The following ANK2 variants were observed in gnomAD, a reference collection of about 807,000 sequenced individuals.
The protein encoded by ANK2 is ankyrin-2.
ANK2 carries 83 observed loss-of-function variants against 360.5 expected under a neutral mutation model. That is an observed-to-expected ratio of 0.23 (90% CI 0.19 to 0.28). The LOEUF is 0.28. ANK2 is among the 10% of genes least tolerant of loss of function. The pLI, the probability that ANK2 is intolerant of heterozygous loss-of-function variation, is 1.00. For missense variants in ANK2, 4,201 were observed against 4,795.7 expected (o/e 0.88, Z 3.66); for synonymous variants, 1,740 against 1,759.5 (o/e 0.99, Z 0.28).
At chr4:113,336,855 C>CT in intron 31 of ANK2, 74 bp downstream of exon 31, 1 of 1,430,324 alleles carries the variant, frequency 7.0e-7, no homozygotes, top group East Asian at 2.3e-5. Flanking sequence ...ATTAAATTAC[C>CT]TTTGTCATAA....
At chr4:113,360,735 G>A in intron 38 of ANK2, 88 bp from the exon 39 acceptor site, 1 of 1,164,276 alleles carries the variant, frequency 8.6e-7, no homozygotes, top group Middle Eastern at 1.9e-4. Context: ...ATTTGGAGAA[G>A]TGACTTCCTT....
chr4:113,056,544 T>C (rs1415689673), intron 1 of ANK2, among the ~76,000 whole-genome samples: 4 of 152,156 alleles, frequency 2.6e-5, no homozygotes, highest in Admixed American at 1.3e-4. Flanking sequence ...TTTTATCTCA[T>C]TGGACACTGG....
chr4:113,077,641 TTC>T (rs912409298), intron 1 of ANK2, among the ~76,000 whole-genome samples: 21 of 152,142 alleles, frequency 1.4e-4, no homozygotes, highest in African/African-American at 4.6e-4. Flanking sequence ...CCTTTGTGAG[TTC>T]TGTTTCCCTG....
In ANK2 at chr4:113,095,030, G is replaced by A. The variant is rs150747724; in HGVS notation, c.84+45218G>A. ...GAAATTTAAAAGATAAGAGCAATTT[G>A]CACATCAGCTAAGATGCTGTGGCAC... On this transcript the variant is annotated intron_variant, in intron 1 of 45. Transcript: ENST00000357077. Among the ~76,000 whole-genome samples the A allele has an allele frequency of 4.2e-3, 645 of 152,314 alleles. 3 individuals carry two copies. Among genetic ancestry groups the A allele is most frequent in the Non-Finnish European group, 6.7e-3 (457 of 68,026 alleles).
chr4:112,940,677 A>G (rs1242863494), intron 2 of ANK2, among the ~76,000 whole-genome samples: 4 of 152,166 alleles, frequency 2.6e-5, no homozygotes, highest in Admixed American at 2.6e-4. Flanking sequence ...CTGAACCATA[A>G]CTACAATGCT....
At chr4:113,156,883 CACACAA>C (rs2097323045) in intron 1 of ANK2, among the ~76,000 whole-genome samples, 1 of 116,816 alleles carries the variant, frequency 8.6e-6, no homozygotes, top group Admixed American at 1.2e-4. Context: ...GTGTGTGTGA[CACACAA>C]ACAGATTTGT....
At chr4:112,983,294 A>T (rs1356127339) in intron 2 of ANK2, among the ~76,000 whole-genome samples, 1 of 152,092 alleles carries the variant, frequency 6.6e-6, no homozygotes, top group African/African-American at 2.4e-5. Flanking sequence ...TTAGGTAGTG[A>T]CAAAAATAAC....
At chr4:112,911,485 T>G (rs1015076933) in intron 2 of ANK2, among the ~76,000 whole-genome samples, 7 of 151,938 alleles carry the variant, frequency 4.6e-5, no homozygotes, top group Admixed American at 3.3e-4. Context: ...ATCGAACCAC[T>G]GCACTCCAGC....
intron 2 of ANK2, among the ~76,000 whole-genome samples, chr4:112,958,360 G>C (rs1439771294): frequency 6.6e-6 from 1 of 152,232 alleles, no homozygotes; most frequent in Non-Finnish European, 1.5e-5. Flanking sequence ...GGGAGGCCGA[G>C]GCTGGCGGAT....
At chr4:112,812,032 G>T in the ANK2 span, among the ~76,000 whole-genome samples, 1 of 125,452 alleles carries the variant, frequency 8.0e-6, no homozygotes, top group Non-Finnish European at 1.5e-5. Context: ...CCACGATCCC[G>T]CCACTGCACC....
At chr4:112,850,014 C>A (rs1345835879) in intron 1 of ANK2, among the ~76,000 whole-genome samples, 1 of 152,096 alleles carries the variant, frequency 6.6e-6, no homozygotes, top group Admixed American at 6.6e-5. Context: ...CTTCTCCTAT[C>A]CTTGGGCATC....
At chr4:113,246,572 T>G (rs2042988756) in intron 9 of ANK2, among the ~76,000 whole-genome samples, 1 of 152,184 alleles carries the variant, frequency 6.6e-6, no homozygotes. Context: ...TATTTATTAT[T>G]TAAATGTGGT....
At chr4:112,773,836 T>C in the ANK2 span, among the ~76,000 whole-genome samples, 1 of 152,156 alleles carries the variant, frequency 6.6e-6, no homozygotes, top group Non-Finnish European at 1.5e-5. Context: ...AGTCTTGCTG[T>C]ATCGCCTAGG....
chr4:112,732,122 T>C, the ANK2 span, among the ~76,000 whole-genome samples: 1 of 152,188 alleles, frequency 6.6e-6, no homozygotes, highest in Non-Finnish European at 1.5e-5. Flanking sequence ...TTCTTATTCC[T>C]AGGCTGGTTA....
At chr4:113,196,304 A>G (rs2098746791) in intron 2 of ANK2, 64 bp from the exon 3 acceptor site, 1 of 1,234,296 alleles carries the variant, frequency 8.1e-7, no homozygotes, top group East Asian at 2.4e-5. Context: ...ATGCTTGAGT[A>G]GGATCAGGGC....
chr4:112,785,966 G>C, the ANK2 span, among the ~76,000 whole-genome samples: 2 of 151,898 alleles, frequency 1.3e-5, no homozygotes, highest in Non-Finnish European at 2.9e-5. Context: ...TCAGCCTCCA[G>C]AGTAGCTGGG....
chr4:113,351,949 T>G (rs2095438214), intron 37 of ANK2, among the ~76,000 whole-genome samples: 2 of 152,030 alleles, frequency 1.3e-5, no homozygotes, highest in African/African-American at 2.4e-5. Context: ...TTTAGAAGAG[T>G]TTACTGAGTT....
At chr4:113,022,010 G>A (rs1445033369) in intron 2 of ANK2, among the ~76,000 whole-genome samples, 3 of 152,008 alleles carry the variant, frequency 2.0e-5, no homozygotes, top group African/African-American at 7.2e-5. Flanking sequence ...CCCCCATTTG[G>A]GTAATTTTAT....
At chr4:113,373,873 G>C (rs917974042) in intron 45 of ANK2, among the ~76,000 whole-genome samples, 1 of 152,182 alleles carries the variant, frequency 6.6e-6, no homozygotes, top group Non-Finnish European at 1.5e-5. Context: ...TTGATATTCA[G>C]ATTTCTGCAT....
Sources: gnomAD v4.1 joint callset for allele counts (sites outside exome capture counted in the v4.1 genomes callset) on GRCh38, gnomAD v4.1.1 for gene constraint, MANE v1.5 for transcripts, NCBI Gene and HGNC (gene_info 2026-07-23, HGNC 2026-07-21) for gene names.